ATP10A: variants seen among roughly 807,000 people sequenced by gnomAD.
ATP10A encodes the protein phospholipid-transporting ATPase VA.
A neutral mutation model predicts 147.8 loss-of-function variants in ATP10A; 111 were observed. The ratio of observed to expected loss-of-function variants is 0.75; its 90% CI spans 0.64 to 0.88. ATP10A has a LOEUF of 0.88. Among genes scored for constraint, ATP10A ranks in the 40% least tolerant of loss-of-function variants. The pLI is 0.00. For synonymous variants in ATP10A, 875 were observed against 841.6 expected (o/e 1.04, Z -0.69); for missense variants, 1,927 against 1,959.0 (o/e 0.98, Z 0.31).
rs143769865 is a variant in ATP10A, at chr15:25,806,236, A to C, written c.450-25013T>G. Among the ~76,000 whole-genome samples, 689 of 152,290 alleles carry C rather than the reference A, an allele frequency of 4.5e-3. 3 individuals carry two copies. Among genetic ancestry groups the C allele is most frequent in the African/African-American group, 0.016 (652 of 41,554 alleles). On this transcript the variant is annotated intron_variant, in intron 1 of 20. Coordinates refer to ENST00000555815, the MANE Select transcript of ATP10A (RefSeq NM_024490.4). ...TTCCTCCTCAGCACGCTCAACATCA[A>C]GATGACGAGAATGAAGATCTGTATG...
downstream of ATP10A, among the ~76,000 whole-genome samples, chr15:25,674,007 A>T (rs771676764): frequency 2.6e-5 from 4 of 152,158 alleles, no homozygotes; most frequent in Non-Finnish European, 2.9e-5. Flanking sequence ...GTGTGATGGG[A>T]GACAAGGAGG....
At chr15:25,757,196 G>C (rs958870109) in intron 2 of ATP10A, among the ~76,000 whole-genome samples, 14 of 152,132 alleles carry the variant, frequency 9.2e-5, no homozygotes, top group African/African-American at 3.4e-4. Context: ...TTATATGGTA[G>C]AGAGTAGCTA....
rs1002761797 is a variant in ATP10A, at chr15:25,692,998, G to A, written c.3089-1207C>T. ...GCATTTTTAGTACAGATGGGGTTTC[G>A]CCCACCATGTTGCCCCAGCAGTTTT... is the stretch of plus-strand genomic sequence containing the variant. On this transcript the variant is annotated intron_variant, in intron 14 of 20. Coordinates refer to ENST00000555815, the MANE Select transcript of ATP10A (RefSeq NM_024490.4). 5.3e-5 allele frequency among the ~76,000 whole-genome samples: 8 copies of A among 151,156 alleles called. No homozygotes were observed. In the East Asian group the frequency reaches 1.2e-3, roughly 22 times the overall value.
intron 2 of ATP10A, among the ~76,000 whole-genome samples, chr15:25,770,329 G>T (rs1889271937): frequency 6.6e-6 from 1 of 152,228 alleles, no homozygotes; most frequent in African/African-American, 2.4e-5. Context: ...GCTCTGCAGA[G>T]ATGGCCCTGA....
rs138925689 is a variant in ATP10A, at chr15:25,683,374, G to T, written c.3404C>A (p.Pro1135Gln). 9 of 1,613,994 alleles carry T rather than the reference G, an allele frequency of 5.6e-6. No individual in the cohort carries two copies. Among genetic ancestry groups the T allele is most frequent in the African/African-American group, 5.3e-5 (4 of 74,906 alleles). ...CCTGTCCAGCACCCCAGTCACGAGC[G>T]GGGGAAGTGACGAGAAGAGCAGATT... ...FFNLLFSSLP[P>Q]LVTGVLDRDV... Residue 1135 changes from proline (P) to glutamine (Q), a missense_variant, in exon 17 of 21, where the codon CCG becomes CAG. Transcript: ENST00000555815.
At chr15:25,813,713 A>G (rs904591998) in intron 1 of ATP10A, among the ~76,000 whole-genome samples, 6 of 152,216 alleles carry the variant, frequency 3.9e-5, no homozygotes, top group Admixed American at 1.3e-4. Context: ...TCCAAATTGA[A>G]CTTCTAGAGT....
At chr15:25,676,398 A>G (rs1899136532), downstream of ATP10A, among the ~76,000 whole-genome samples, 1 of 152,208 alleles carries the variant, frequency 6.6e-6, no homozygotes, top group Non-Finnish European at 1.5e-5. Flanking sequence ...GCAGGGGAGA[A>G]GCTCTGCTTG....
At chr15:25,696,616 C>T (rs1169573127) in intron 13 of ATP10A, among the ~76,000 whole-genome samples, 1 of 152,200 alleles carries the variant, frequency 6.6e-6, no homozygotes, top group Non-Finnish European at 1.5e-5. Context: ...GCTAAGGACA[C>T]TGAATGGGTG....
At chr15:25,822,716 A>G (rs973332593) in intron 1 of ATP10A, among the ~76,000 whole-genome samples, 1 of 152,210 alleles carries the variant, frequency 6.6e-6, no homozygotes, top group Non-Finnish European at 1.5e-5. Context: ...TGCTTAGAAA[A>G]TAATTATTAG....
intron 8 of ATP10A, among the ~76,000 whole-genome samples, chr15:25,717,461 C>A (rs1901891670): frequency 1.3e-5 from 2 of 152,218 alleles, no homozygotes; most frequent in East Asian, 3.8e-4. Context: ...TTTAAATACT[C>A]TTGACTCATA....
At chr15:25,774,582 G>T (rs201755852) in intron 2 of ATP10A, among the ~76,000 whole-genome samples, 1 of 141,804 alleles carries the variant, frequency 7.1e-6, no homozygotes, top group Non-Finnish European at 1.5e-5. Context: ...GTCTCAAAAA[G>T]AAAAAAAAAA....
intron 2 of ATP10A, among the ~76,000 whole-genome samples, chr15:25,750,429 T>A (rs1319129919): frequency 1.3e-5 from 2 of 151,828 alleles, no homozygotes; most frequent in African/African-American, 2.4e-5. Context: ...CACCCACAGA[T>A]CCATACCAGA....
chr15:25,731,103 T>C (rs150137890), intron 3 of ATP10A, among the ~76,000 whole-genome samples: 2 of 152,336 alleles, frequency 1.3e-5, no homozygotes, highest in Admixed American at 1.3e-4. Context: ...CCACCGTCTC[T>C]GAAGGGTGTC....
chr15:25,793,101 C>T (rs1373218315), intron 1 of ATP10A, among the ~76,000 whole-genome samples: 7 of 152,044 alleles, frequency 4.6e-5, no homozygotes, highest in Admixed American at 1.3e-4. Flanking sequence ...GAACTCCCGA[C>T]CTCAGGTGAT....
chr15:25,778,209 T>C (rs1889716797), intron 2 of ATP10A, among the ~76,000 whole-genome samples: 1 of 152,284 alleles, frequency 6.6e-6, no homozygotes, highest in African/African-American at 2.4e-5. Flanking sequence ...CAACTGATCA[T>C]TCATTAAACT....
chr15:25,802,977 G>A (rs1891006776), intron 1 of ATP10A, among the ~76,000 whole-genome samples: 1 of 152,184 alleles, frequency 6.6e-6, no homozygotes, highest in Non-Finnish European at 1.5e-5. Flanking sequence ...ATGAGGGTGT[G>A]GCCAACACCA....
intron 7 of ATP10A, among the ~76,000 whole-genome samples, chr15:25,718,789 G>C (rs979522181): frequency 6.6e-6 from 1 of 152,152 alleles, no homozygotes; most frequent in Non-Finnish European, 1.5e-5. Flanking sequence ...AGTCATGCTG[G>C]GATGACGGTG....
At chr15:25,701,874 C>T (rs202138998) in intron 13 of ATP10A, 42 bp downstream of exon 13, 3 of 1,526,004 alleles carry the variant, frequency 2.0e-6, no homozygotes, top group Non-Finnish European at 8.8e-7. Flanking sequence ...AAACATGGAC[C>T]ACCCCAGGGG....
At chr15:25,706,460 T>C (rs1901024023) in intron 12 of ATP10A, among the ~76,000 whole-genome samples, 1 of 152,166 alleles carries the variant, frequency 6.6e-6, no homozygotes, top group Non-Finnish European at 1.5e-5. Flanking sequence ...AGAGCGGAAC[T>C]TGGATGCAAA....
Sources: gnomAD v4.1 joint callset for allele counts (sites outside exome capture counted in the v4.1 genomes callset) on GRCh38, gnomAD v4.1.1 for gene constraint, MANE v1.5 for transcripts, NCBI Gene and HGNC (gene_info 2026-07-23, HGNC 2026-07-21) for gene names.